The following VPS13B variants were observed in gnomAD, a reference collection of about 807,000 sequenced individuals.
The protein encoded by VPS13B is vacuolar protein sorting 13 homolog B, also known as intermembrane lipid transfer protein VPS13B.
A neutral mutation model predicts 426.4 loss-of-function variants in VPS13B; 285 were observed. That is an observed-to-expected ratio of 0.67 (90% CI 0.61 to 0.74). VPS13B has a LOEUF of 0.74. Ranked by LOEUF, VPS13B falls within the 30% of genes least tolerant of loss-of-function variation. The probability of loss-of-function intolerance (pLI) is 0.00; values close to 1 mark genes in which losing one functional copy is unlikely to be tolerated. For missense variants in VPS13B, 4,537 were observed against 4,782.6 expected (o/e 0.95, Z 1.51); for synonymous variants, 1,676 against 1,676.4 (o/e 1.00, Z 0.01).
intron 39 of VPS13B, among the ~76,000 whole-genome samples, chr8:99,738,418 A>G (rs527488527): frequency 1.3e-5 from 2 of 152,286 alleles, no homozygotes; most frequent in South Asian, 4.1e-4. Flanking sequence ...GTTCCTTTCT[A>G]CTTCATTAGA....
intron 59 of VPS13B, among the ~76,000 whole-genome samples, chr8:99,869,340 T>C (rs1240547268): frequency 1.3e-5 from 2 of 152,182 alleles, no homozygotes; most frequent in Non-Finnish European, 2.9e-5. Flanking sequence ...GGAGGCATCC[T>C]GCTCCTCAGC....
intron 33 of VPS13B, among the ~76,000 whole-genome samples, chr8:99,596,486 T>C (rs1368291000): frequency 2.0e-5 from 3 of 152,006 alleles, no homozygotes; most frequent in African/African-American, 7.2e-5. Flanking sequence ...CTCTGCTCCC[T>C]AAGGTCAATC....
chr8:99,059,041 T>C (rs1844037877), intron 3 of VPS13B, among the ~76,000 whole-genome samples: 1 of 152,254 alleles, frequency 6.6e-6, no homozygotes, highest in African/African-American at 2.4e-5. Context: ...AGTTGAAAAG[T>C]TCTTTATTCA....
At chr8:99,633,401 G>T (rs1828929353) in intron 33 of VPS13B, among the ~76,000 whole-genome samples, 1 of 151,990 alleles carries the variant, frequency 6.6e-6, no homozygotes, top group South Asian at 2.1e-4. Context: ...CTGCTTCAGG[G>T]TCAGGGCTGA....
intron 43 of VPS13B, among the ~76,000 whole-genome samples, chr8:99,803,195 A>T (rs895699059): frequency 6.6e-6 from 1 of 152,196 alleles, no homozygotes; most frequent in African/African-American, 2.4e-5. Flanking sequence ...ATTTTTTTAT[A>T]TAAGGATTAC....
intron 33 of VPS13B, among the ~76,000 whole-genome samples, chr8:99,590,969 C>CT (rs1826626082): frequency 6.6e-6 from 1 of 152,006 alleles, no homozygotes; most frequent in Non-Finnish European, 1.5e-5. Flanking sequence ...GTGTGGGAGT[C>CT]TAAGTCTCTT....
chr8:99,243,416 G>A (rs1817037897), intron 17 of VPS13B, among the ~76,000 whole-genome samples: 1 of 152,020 alleles, frequency 6.6e-6, no homozygotes. Context: ...ATAAGATAAG[G>A]GACATAAAGC....
chr8:99,820,467 A>G (rs752265113), intron 49 of VPS13B, among the ~76,000 whole-genome samples: 1 of 152,088 alleles, frequency 6.6e-6, no homozygotes, highest in African/African-American at 2.4e-5. Flanking sequence ...TACCCTAGGT[A>G]CTCTTTGCTG....
At chr8:99,759,943 CT>C (rs1224909046) in intron 39 of VPS13B, among the ~76,000 whole-genome samples, 1 of 151,974 alleles carries the variant, frequency 6.6e-6, no homozygotes, top group Admixed American at 6.6e-5. Context: ...ACGCTTGTCT[CT>C]TTTTTTCTTT....
intron 3 of VPS13B, among the ~76,000 whole-genome samples, chr8:99,060,556 C>T (rs1844126108): frequency 6.6e-6 from 1 of 151,830 alleles, no homozygotes; most frequent in Non-Finnish European, 1.5e-5. Flanking sequence ...TTGCAGTGAG[C>T]CGAGATCACA....
At chr8:99,135,172 A>G (rs781370871) in intron 10 of VPS13B, 35 bp downstream of exon 10, 1 of 1,611,622 alleles carries the variant, frequency 6.2e-7, no homozygotes. Context: ...TTTGGATAGG[A>G]TATAGGAATA....
intron 36 of VPS13B, among the ~76,000 whole-genome samples, chr8:99,712,469 A>G (rs1027725710): frequency 6.6e-6 from 1 of 152,170 alleles, no homozygotes; most frequent in Non-Finnish European, 1.5e-5. Flanking sequence ...CTGCTAGACT[A>G]TTTCCCGGCA....
At chr8:99,529,103 C>T (rs1156409705) in intron 30 of VPS13B, among the ~76,000 whole-genome samples, 1 of 152,000 alleles carries the variant, frequency 6.6e-6, no homozygotes, top group African/African-American at 2.4e-5. Context: ...AAGACATTTA[C>T]ATTTTTTAAA....
intron 39 of VPS13B, among the ~76,000 whole-genome samples, chr8:99,725,920 T>G (rs1389630268): frequency 6.6e-6 from 1 of 152,212 alleles, no homozygotes; most frequent in Non-Finnish European, 1.5e-5. Context: ...TTAATCTCCT[T>G]AGGTTTAGTC....
chr8:99,713,569 A>G (rs141201001), intron 36 of VPS13B, among the ~76,000 whole-genome samples: 18 of 152,276 alleles, frequency 1.2e-4, no homozygotes, highest in African/African-American at 3.8e-4. Flanking sequence ...TTTTTAATGT[A>G]TTTACCAGTG....
intron 27 of VPS13B, among the ~76,000 whole-genome samples, chr8:99,505,335 T>C (rs3134169): frequency 0.27 from 41,275 of 152,138 alleles, 6,431 homozygotes; most frequent in East Asian, 0.45. Context: ...CAGCTTTTGA[T>C]ATGCCTTCCT....
intron 42 of VPS13B, among the ~76,000 whole-genome samples, chr8:99,781,328 A>G (rs1244907556): frequency 1.3e-5 from 2 of 152,164 alleles, no homozygotes; most frequent in Non-Finnish European, 2.9e-5. Context: ...TTTTTCTTAA[A>G]TTAAGGTTAC....
At chr8:99,183,312 G>A (rs940125024) in intron 16 of VPS13B, among the ~76,000 whole-genome samples, 5 of 152,054 alleles carry the variant, frequency 3.3e-5, no homozygotes, top group African/African-American at 1.2e-4. Context: ...GGTTAATGGG[G>A]TTTTTGTTTG....
At chr8:99,858,987 TCCTC>T (rs1816695092) in intron 56 of VPS13B, among the ~76,000 whole-genome samples, 1 of 152,024 alleles carries the variant, frequency 6.6e-6, no homozygotes, top group Non-Finnish European at 1.5e-5. Context: ...AAGGCGCCCT[TCCTC>T]AGGTGGTAGC....
Sources: gnomAD v4.1 joint callset for allele counts (sites outside exome capture counted in the v4.1 genomes callset) on GRCh38, gnomAD v4.1.1 for gene constraint, MANE v1.5 for transcripts, NCBI Gene and HGNC (gene_info 2026-07-23, HGNC 2026-07-21) for gene names.